TEC: variants seen among roughly 807,000 people sequenced by gnomAD.
The protein encoded by TEC is tyrosine-protein kinase Tec.
In TEC, 72 loss-of-function variants were observed where a neutral mutation model predicts 93.0. The ratio of observed to expected loss-of-function variants is 0.77; its 90% CI spans 0.64 to 0.94. The LOEUF is 0.94. Ranked by LOEUF, TEC falls within the 40% of genes least tolerant of loss-of-function variation. TEC has a pLI of 0.00. For synonymous variants in TEC, 249 were observed against 247.7 expected, an observed-to-expected ratio of 1.01 and a Z score of -0.05; for missense variants, 630 against 757.9, an observed-to-expected ratio of 0.83 and a Z score of 1.98.
chr4:48,215,689 G>A (rs968335324), intron 2 of TEC, among the ~76,000 whole-genome samples: 3 of 152,188 alleles, frequency 2.0e-5, no homozygotes, highest in Middle Eastern at 3.4e-3. Flanking sequence ...TAACCCTGTC[G>A]TAAGACAAAG....
At chr4:48,248,082 G>A (rs141474241) in intron 1 of TEC, among the ~76,000 whole-genome samples, 2 of 152,260 alleles carry the variant, frequency 1.3e-5, no homozygotes, top group African/African-American at 4.8e-5. Context: ...GGAGACACAG[G>A]TCACACTGCA....
intron 15 of TEC, 116 bp downstream of exon 15, chr4:48,141,239 T>C (rs1198663004): frequency 2.3e-6 from 2 of 873,168 alleles, no homozygotes; most frequent in Admixed American, 2.1e-5. Context: ...TAATTTAATC[T>C]GAGAACCAGT....
chr4:48,171,604 C>CA (rs1721115193), intron 3 of TEC, among the ~76,000 whole-genome samples, 155 bp from the exon 4 acceptor site: 1 of 152,156 alleles, frequency 6.6e-6, no homozygotes, highest in Non-Finnish European at 1.5e-5. Context: ...TACTTTCTTA[C>CA]AAAAGCACAA....
chr4:48,150,882 G>A lies in TEC; in HGVS notation c.853C>T (p.Leu285Phe), dbSNP rs2109516741. 1.1e-5 allele frequency: 18 copies of A among 1,569,340 alleles called. No homozygotes were observed. Among genetic ancestry groups the A allele is most frequent in the Non-Finnish European group, 1.5e-5 (17 of 1,159,834 alleles). ...SSQPGLYTVS[L>F]YTKFGGEGSS... ...ACTCACCCTCCAAACTTGGTATAAA[G>A]GGAGACTGTGTACAAGCCTGGTTGA... Residue 285 changes from leucine (L) to phenylalanine (F), a missense_variant, in exon 10 of 18, where the codon CTT becomes TTT. Coordinates refer to ENST00000381501, the MANE Select transcript of TEC (RefSeq NM_003215.3).
chr4:48,263,543 GTC>G (rs1458119743), intron 1 of TEC, among the ~76,000 whole-genome samples: 1 of 152,104 alleles, frequency 6.6e-6, no homozygotes, highest in African/African-American at 2.4e-5. Flanking sequence ...GTGAAACCCT[GTC>G]TCTACTAAAA....
intron 8 of TEC, among the ~76,000 whole-genome samples, chr4:48,157,375 C>T (rs1720444686): frequency 6.6e-6 from 1 of 152,194 alleles, no homozygotes; most frequent in Non-Finnish European, 1.5e-5. Context: ...TTCAGACTTA[C>T]TGGTTTCCAG....
intron 1 of TEC, among the ~76,000 whole-genome samples, chr4:48,243,447 A>C (rs1250241870): frequency 2.6e-5 from 4 of 152,250 alleles, no homozygotes; most frequent in Non-Finnish European, 5.9e-5. Context: ...AGAGAAATGC[A>C]CATAAAATTC....
At chr4:48,147,565 A>G (rs1316583078) in intron 11 of TEC, among the ~76,000 whole-genome samples, 1 of 152,202 alleles carries the variant, frequency 6.6e-6, no homozygotes, top group Admixed American at 6.5e-5. Flanking sequence ...TAGTTTGTAC[A>G]TATCTAGGCT....
intron 9 of TEC, among the ~76,000 whole-genome samples, chr4:48,154,314 G>A (rs1208500260): frequency 6.6e-6 from 1 of 152,224 alleles, no homozygotes; most frequent in Non-Finnish European, 1.5e-5. Context: ...TGGTCAGACA[G>A]GTTTAGGTTG....
chr4:48,217,206 C>T (rs543800412), intron 2 of TEC, among the ~76,000 whole-genome samples: 17 of 152,116 alleles, frequency 1.1e-4, no homozygotes, highest in South Asian at 4.1e-4. Context: ...CAGGTTCAAA[C>T]GATTCTCTTG....
At position 48,250,710 on chromosome 4, in the gene TEC, T is replaced by C. The variant is rs559997986; in HGVS notation, c.-46+19042A>G. ...TCAGCTGAGACCATCCCTATACTAG[T>C]TGACAGCCAGCTGGCCCCTCAAACA... On this transcript the variant is annotated intron_variant, in intron 1 of 17. Transcript: ENST00000381501. Among the ~76,000 whole-genome samples, 135 of 152,258 alleles carry C rather than the reference T, an allele frequency of 8.9e-4. No individual in the cohort carries two copies. The Middle Eastern group carries it at 0.01, about 12-fold the overall frequency.
intron 2 of TEC, among the ~76,000 whole-genome samples, chr4:48,177,888 C>T (rs1721397268): frequency 6.6e-6 from 1 of 152,182 alleles, no homozygotes; most frequent in African/African-American, 2.4e-5. Flanking sequence ...TCTCTCTTGC[C>T]TGCCGCCATG....
At chr4:48,226,170 A>T (rs1331037752) in intron 2 of TEC, among the ~76,000 whole-genome samples, 1 of 152,206 alleles carries the variant, frequency 6.6e-6, no homozygotes, top group Non-Finnish European at 1.5e-5. Flanking sequence ...TAGCAATTGC[A>T]ATATATTTCA....
At chr4:48,164,367 G>A (rs1720794806) in intron 7 of TEC, among the ~76,000 whole-genome samples, 1 of 151,972 alleles carries the variant, frequency 6.6e-6, no homozygotes, top group Admixed American at 6.6e-5. Context: ...ACCTATGTGA[G>A]GTCAAAAAAT....
At chr4:48,152,091 C>G (rs1156523107) in intron 9 of TEC, among the ~76,000 whole-genome samples, 2 of 152,140 alleles carry the variant, frequency 1.3e-5, no homozygotes, top group Non-Finnish European at 2.9e-5. Context: ...ACAAAAATAT[C>G]TGGTAACAAT....
At chr4:48,203,994 A>G (rs1197086506) in intron 2 of TEC, among the ~76,000 whole-genome samples, 6 of 152,222 alleles carry the variant, frequency 3.9e-5, no homozygotes, top group Admixed American at 3.3e-4. Flanking sequence ...GGAGGATACA[A>G]TGATAAGCAG....
At chr4:48,252,908 T>C (rs1413726743) in intron 1 of TEC, among the ~76,000 whole-genome samples, 1 of 152,204 alleles carries the variant, frequency 6.6e-6, no homozygotes, top group Non-Finnish European at 1.5e-5. Flanking sequence ...GCTTGTTGAA[T>C]GAATGAACAA....
At chr4:48,243,858 A>T (rs1988444) in intron 1 of TEC, among the ~76,000 whole-genome samples, 2 of 151,718 alleles carry the variant, frequency 1.3e-5, no homozygotes, top group African/African-American at 4.8e-5. Context: ...AGGAGAAACA[A>T]CTAATGTAAA....
At chr4:48,142,022 TTA>T (rs1719693792) in intron 14 of TEC, among the ~76,000 whole-genome samples, 1 of 152,224 alleles carries the variant, frequency 6.6e-6, no homozygotes. Context: ...CCTGTTCTTA[TTA>T]AACTATCCAA....
Sources: allele counts gnomAD v4.1 joint callset (sites outside exome capture counted in the v4.1 genomes callset), GRCh38; gene constraint gnomAD v4.1.1; transcripts MANE v1.5; gene names NCBI Gene and HGNC (gene_info 2026-07-23, HGNC 2026-07-21).